ATP6V1C1: variants seen among roughly 807,000 people sequenced by gnomAD.
ATP6V1C1 encodes V-type proton ATPase subunit C 1.
ATP6V1C1 carries 45 observed loss-of-function variants against 53.9 expected under a neutral mutation model. The observed-to-expected ratio is 0.83, with a 90% CI of 0.66 to 1.07. ATP6V1C1 has a LOEUF of 1.07. Ranked by LOEUF, ATP6V1C1 falls within the 50% of genes least tolerant of loss-of-function variation. The pLI, the probability that ATP6V1C1 is intolerant of heterozygous loss-of-function variation, is 0.00. For synonymous variants in ATP6V1C1, 153 were observed against 155.2 expected, an observed-to-expected ratio of 0.99 and a Z score of 0.11; for missense variants, 315 against 440.3, an observed-to-expected ratio of 0.72 and a Z score of 2.55.
At chr8:103,061,097 G>A (rs1401237655) in intron 8 of ATP6V1C1, among the ~76,000 whole-genome samples, 2 of 152,160 alleles carry the variant, frequency 1.3e-5, no homozygotes, top group Non-Finnish European at 2.9e-5. Flanking sequence ...ATCCTTAAAC[G>A]GTTTTTTAAA....
Position 103,064,860 on chromosome 8 carries a change from C to T in ATP6V1C1, c.926+49C>T, listed in dbSNP as rs774963537. The T allele has an allele frequency of 7.9e-6, 12 of 1,527,962 alleles. No homozygotes were observed. The South Asian group carries it at 1.2e-4, about 15-fold the overall frequency. The allele number at this position is 1,527,962 out of a possible 1,614,324, so 94.7% of individuals were successfully genotyped here. A position where few individuals can be genotyped will look rare whatever the true frequency, so the allele number is the denominator to read the frequency against. ...TTGGAACTGAAGAGTTCATAGATTCCTTACATTGGACCTCTTTATTATAAC... is the reference window on the plus strand; with the variant it reads ...TTGGAACTGAAGAGTTCATAGATTCTTTACATTGGACCTCTTTATTATAAC... On this transcript the variant is annotated intron_variant, in intron 11 of 12. Coordinates refer to ENST00000518738, the MANE Select transcript of ATP6V1C1 (RefSeq NM_001695.5).
intron 11 of ATP6V1C1, 38 bp downstream of exon 11, chr8:103,064,849 T>A: frequency 1.3e-6 from 2 of 1,571,730 alleles, no homozygotes; most frequent in Non-Finnish European, 1.7e-6. Context: ...AACTGAAGAG[T>A]TCATAGATTC....
intron 1 of ATP6V1C1, among the ~76,000 whole-genome samples, chr8:103,032,549 C>T (rs1816817721): frequency 6.6e-6 from 1 of 152,010 alleles, no homozygotes; most frequent in South Asian, 2.1e-4. Flanking sequence ...AGTGGCATGG[C>T]TCACTGCAAC....
At chr8:103,047,233 A>G (rs537645186) in intron 3 of ATP6V1C1, among the ~76,000 whole-genome samples, 2 of 152,058 alleles carry the variant, frequency 1.3e-5, no homozygotes, top group East Asian at 3.9e-4. Flanking sequence ...TTCCTGGCTC[A>G]TATTGGCTCT....
In ATP6V1C1 at chr8:103,069,834, C is replaced by T. The variant is rs369183719; in HGVS notation, c.*1087C>T. The T allele has an allele frequency of 2.0e-5, 3 of 151,866 alleles. No individual in the cohort carries two copies. The highest frequency in any genetic ancestry group is 4.4e-5 in the Non-Finnish European group (3 of 68,032). 9.4% of individuals were successfully genotyped at this position (151,866 alleles called of 1,614,324 possible). On this transcript the variant is annotated 3_prime_UTR_variant, in exon 13 of 13. Coordinates refer to ENST00000518738, the MANE Select transcript of ATP6V1C1 (RefSeq NM_001695.5). ...AGTTTAGGGGCATATCTAAGCTATG[C>T]TATTCCCTTTAGAAAATTAGCCTCC...
chr8:103,024,061 A>G (rs1035501493), intron 1 of ATP6V1C1, among the ~76,000 whole-genome samples: 2 of 152,232 alleles, frequency 1.3e-5, no homozygotes, highest in Non-Finnish European at 2.9e-5. Flanking sequence ...ATAATGAACA[A>G]TAAGGTGAAC....
At chr8:103,038,143 G>C (rs1816929794) in intron 1 of ATP6V1C1, among the ~76,000 whole-genome samples, 1 of 152,112 alleles carries the variant, frequency 6.6e-6, no homozygotes, top group African/African-American at 2.4e-5. Flanking sequence ...TGTTTTGCCT[G>C]GACTCATTGA....
rs140427659 is a variant in ATP6V1C1 at position 103,065,660 on chromosome 8, A to G, written c.927-661A>G. Among the ~76,000 whole-genome samples, 18 of 152,346 alleles carry G rather than the reference A, an allele frequency of 1.2e-4. 1 individual carries two copies. Among genetic ancestry groups the G allele is most frequent in the Non-Finnish European group, 2.2e-4 (15 of 68,034 alleles). ...TTAAATTTTTTCAAATTTTCAAACT[A>G]TATGTGGGTAACCTCATGCTATTAC... On this transcript the variant is annotated intron_variant, in intron 11 of 12. Transcript: ENST00000518738.
At position 103,042,803 on chromosome 8, in the gene ATP6V1C1, A is replaced by G. The variant is rs187109042; in HGVS notation, c.200+396A>G. Among the ~76,000 whole-genome samples the G allele has an allele frequency of 3.2e-3, 487 of 152,262 alleles. 2 individuals carry two copies. Among genetic ancestry groups the G allele is most frequent in the African/African-American group, 0.011 (466 of 41,538 alleles). Reference sequence around the variant, plus strand: ...CCCACCACCCACAAATTGTTCTGCCACTATAGATTTGCTTGGTCTGGACAT... The same window carrying G: ...CCCACCACCCACAAATTGTTCTGCCGCTATAGATTTGCTTGGTCTGGACAT... On this transcript the variant is annotated intron_variant, in intron 3 of 12. Transcript: ENST00000518738.
At chr8:103,025,268 T>C (rs1816675993) in intron 1 of ATP6V1C1, among the ~76,000 whole-genome samples, 1 of 152,214 alleles carries the variant, frequency 6.6e-6, no homozygotes, top group Admixed American at 6.5e-5. Flanking sequence ...ATGTGGGTGC[T>C]ATTGGCAGTT....
intron 3 of ATP6V1C1, among the ~76,000 whole-genome samples, chr8:103,048,093 G>A (rs1168620862): frequency 1.3e-5 from 2 of 152,208 alleles, no homozygotes; most frequent in Admixed American, 6.5e-5. Flanking sequence ...CCAAAGTCAG[G>A]ACAACATGTT....
At chr8:103,034,650 C>A (rs1163439111) in intron 1 of ATP6V1C1, among the ~76,000 whole-genome samples, 3 of 151,678 alleles carry the variant, frequency 2.0e-5, no homozygotes. Context: ...CTCACTGCAA[C>A]CTTTGCCTCC....
At chr8:103,042,231 A>C in intron 2 of ATP6V1C1, 109 bp from the exon 3 acceptor site, 1 of 1,076,400 alleles carries the variant, frequency 9.3e-7, no homozygotes, top group Non-Finnish European at 1.4e-6. Flanking sequence ...ATTATGAAAT[A>C]AAATAGGGAG....
Position 103,069,887 on chromosome 8 carries a change from T to C in ATP6V1C1, c.*1140T>C, listed in dbSNP as rs1014601966. The C allele has an allele frequency of 2.0e-5, 3 of 152,210 alleles. No individual in the cohort carries two copies. Among genetic ancestry groups the C allele is most frequent in the Admixed American group, 6.5e-5 (1 of 15,278 alleles). 9.4% of individuals were successfully genotyped at this position (152,210 alleles called of 1,614,324 possible). ...AATCTTTTGTTTCAAAATATTATATTATTTCATAAATAATTTCAAGCAAAT... is the reference window on the plus strand; with the variant it reads ...AATCTTTTGTTTCAAAATATTATATCATTTCATAAATAATTTCAAGCAAAT... On this transcript the variant is annotated 3_prime_UTR_variant, in exon 13 of 13. Transcript: ENST00000518738.
chr8:103,048,745 A>G (rs1586319195), intron 3 of ATP6V1C1, 125 bp from the exon 4 acceptor site: 1 of 726,454 alleles, frequency 1.4e-6, no homozygotes, highest in Non-Finnish European at 2.2e-6. Flanking sequence ...TTTATTGTGT[A>G]TTATATGGAT....
intron 11 of ATP6V1C1, 37 bp downstream of exon 11, chr8:103,064,848 G>A (rs780539439): frequency 2.5e-6 from 4 of 1,572,414 alleles, no homozygotes; most frequent in South Asian, 2.3e-5. Flanking sequence ...GAACTGAAGA[G>A]TTCATAGATT....
chr8:103,040,136 A>G (rs1375289865), intron 1 of ATP6V1C1, among the ~76,000 whole-genome samples: 1 of 151,788 alleles, frequency 6.6e-6, no homozygotes, highest in Non-Finnish European at 1.5e-5. Context: ...TCTTTTTTTA[A>G]ATTTCCTATT....
chr8:103,035,064 C>T (rs1052240411), intron 1 of ATP6V1C1, among the ~76,000 whole-genome samples: 3 of 152,084 alleles, frequency 2.0e-5, no homozygotes, highest in East Asian at 3.8e-4. Context: ...TTTGCTTTGA[C>T]GAGGGGTAGA....
chr8:103,053,974 A>G lies in ATP6V1C1; in HGVS notation c.564A>G (p.Val188=). ...DSEYLVTLLV[V]VPKLNHNDWI... The stretch of plus-strand genomic sequence containing the variant: ...AGTATCTCGTCACATTACTGGTAGT[A>G]GTTCCCAAGTAAGTCTTTCTATTAT... The change falls in exon 7 of 13, where the codon GTA becomes GTG. Residue 188 remains valine, a synonymous_variant. Transcript: ENST00000518738. 1.2e-6 allele frequency: 2 copies of G among 1,605,144 alleles called. No homozygotes were observed. Among genetic ancestry groups the G allele is most frequent in the Non-Finnish European group, 1.7e-6 (2 of 1,174,828 alleles).
Sources: allele counts gnomAD v4.1 joint callset (sites outside exome capture counted in the v4.1 genomes callset), GRCh38; gene constraint gnomAD v4.1.1; transcripts MANE v1.5; gene names NCBI Gene and HGNC (gene_info 2026-07-23, HGNC 2026-07-21).